Variants in MAP4K4 observed in about 807,000 individuals in gnomAD.
MAP4K4 encodes HPK/GCK-like kinase HGK.
MAP4K4 carries 38 observed loss-of-function variants against 189.6 expected under a neutral mutation model. The observed-to-expected ratio is 0.20, with a 90% CI of 0.15 to 0.26. The LOEUF is 0.26. Ranked by LOEUF, MAP4K4 falls within the 10% of genes least tolerant of loss-of-function variation. MAP4K4 has a pLI of 1.00. For synonymous variants in MAP4K4, 610 were observed against 624.3 expected, an observed-to-expected ratio of 0.98 and a Z score of 0.34; for missense variants, 1,054 against 1,726.9, an observed-to-expected ratio of 0.61 and a Z score of 6.91.
chr2:101,816,882 C>T (rs2095756943), intron 3 of MAP4K4, among the ~76,000 whole-genome samples: 1 of 152,134 alleles, frequency 6.6e-6, no homozygotes, highest in South Asian at 2.1e-4. Context: ...GGCAGTGACC[C>T]TCGAGCAGCA....
chr2:101,701,366 T>G (rs1436272573), intron 2 of MAP4K4, among the ~76,000 whole-genome samples: 1 of 151,092 alleles, frequency 6.6e-6, no homozygotes, highest in Non-Finnish European at 1.5e-5. Context: ...GGGGGAGGGG[T>G]GTGTGTGGCA....
exon 33 of MAP4K4, chr2:101,893,541 T>G (rs552001165): frequency 8.7e-6 from 2 of 228,962 alleles, no homozygotes; most frequent in Admixed American, 5.2e-5. Flanking sequence ...CGTGTACATA[T>G]CAAGAGAAGA....
intron 2 of MAP4K4, among the ~76,000 whole-genome samples, chr2:101,705,505 T>C (rs371129986): frequency 6.6e-5 from 10 of 152,216 alleles, no homozygotes; most frequent in African/African-American, 2.2e-4. Flanking sequence ...CTCTGTGCTT[T>C]AAATTACAGT....
intron 2 of MAP4K4, among the ~76,000 whole-genome samples, chr2:101,721,339 C>T (rs754532434): frequency 1.9e-4 from 28 of 151,320 alleles, no homozygotes; most frequent in Admixed American, 4.6e-4. Flanking sequence ...GGAGATTGCC[C>T]GTTTTGTAAA....
chr2:101,843,886 A>G lies in MAP4K4; in HGVS notation c.1023-215A>G, dbSNP rs534201456. 2.0e-5 allele frequency among the ~76,000 whole-genome samples: 3 copies of G among 152,378 alleles called. No individual in the cohort carries two copies. The East Asian group carries it at 5.8e-4, about 29-fold the overall frequency. Reference sequence around the variant, plus strand: ...ATGTCTTGTCAAGCAAACATCTAGGACAGCATTTTAAGATATTTACTAAAT... The same window carrying G: ...ATGTCTTGTCAAGCAAACATCTAGGGCAGCATTTTAAGATATTTACTAAAT... On this transcript the variant is annotated intron_variant, in intron 11 of 32. Coordinates refer to ENST00000324219, the Ensembl canonical transcript of MAP4K4.
intron 2 of MAP4K4, among the ~76,000 whole-genome samples, chr2:101,719,468 A>C (rs1378510905): frequency 6.6e-6 from 1 of 152,106 alleles, no homozygotes; most frequent in Non-Finnish European, 1.5e-5. Context: ...GATGACAACC[A>C]TTTTGGTGTT....
intron 3 of MAP4K4, among the ~76,000 whole-genome samples, chr2:101,805,819 G>A (rs748138809): frequency 1.3e-5 from 2 of 152,132 alleles, no homozygotes; most frequent in Non-Finnish European, 2.9e-5. Flanking sequence ...GCTGCTACAG[G>A]TCTTCTGCAA....
At chr2:101,840,326 C>G (rs920341888) in intron 10 of MAP4K4, among the ~76,000 whole-genome samples, 3 of 152,186 alleles carry the variant, frequency 2.0e-5, no homozygotes, top group African/African-American at 7.2e-5. Flanking sequence ...TATTGAGCAT[C>G]TGCTGTGAGC....
At chr2:101,854,274 G>A (rs1186679405) in intron 12 of MAP4K4, among the ~76,000 whole-genome samples, 1 of 152,196 alleles carries the variant, frequency 6.6e-6, no homozygotes, top group Non-Finnish European at 1.5e-5. Context: ...CAAAAAGTGA[G>A]ATGAGTAATA....
At chr2:101,868,775 G>C (rs1577087493) in intron 21 of MAP4K4, among the ~76,000 whole-genome samples, 1 of 152,168 alleles carries the variant, frequency 6.6e-6, no homozygotes, top group East Asian at 1.9e-4. Context: ...TGAACAGTCG[G>C]TGAAGTGAGA....
intron 2 of MAP4K4, among the ~76,000 whole-genome samples, chr2:101,784,830 C>A (rs960202013): frequency 6.6e-6 from 1 of 152,126 alleles, no homozygotes; most frequent in African/African-American, 2.4e-5. Flanking sequence ...TGTTCCAGGT[C>A]CACAGCCTGG....
intron 2 of MAP4K4, among the ~76,000 whole-genome samples, chr2:101,781,461 C>G (rs186459798): frequency 6.6e-6 from 1 of 152,190 alleles, no homozygotes; most frequent in African/African-American, 2.4e-5. Flanking sequence ...GCTGAGAAGC[C>G]AAAGGTCGAG....
At chr2:101,836,188 A>G (rs765881776) in intron 9 of MAP4K4, among the ~76,000 whole-genome samples, 9 of 152,234 alleles carry the variant, frequency 5.9e-5, no homozygotes, top group Non-Finnish European at 1.2e-4. Flanking sequence ...AACGGTGACA[A>G]ATGACCACAT....
intron 12 of MAP4K4, among the ~76,000 whole-genome samples, chr2:101,852,763 T>C (rs1321301972): frequency 6.6e-6 from 1 of 152,218 alleles, no homozygotes; most frequent in Non-Finnish European, 1.5e-5. Flanking sequence ...CCCTGTCTTG[T>C]GCAGCTTGTG....
chr2:101,702,012 C>T (rs1558999862), intron 2 of MAP4K4, among the ~76,000 whole-genome samples: 1 of 152,026 alleles, frequency 6.6e-6, no homozygotes, highest in Non-Finnish European at 1.5e-5. Flanking sequence ...ATTACAAGTG[C>T]GTGCCATCAC....
intron 2 of MAP4K4, among the ~76,000 whole-genome samples, chr2:101,766,139 C>T (rs2078529822): frequency 6.6e-6 from 1 of 152,150 alleles, no homozygotes; most frequent in Admixed American, 6.5e-5. Context: ...AAAACTTTAT[C>T]CCTTGCCTGA....
intron 5 of MAP4K4, among the ~76,000 whole-genome samples, chr2:101,828,957 A>G (rs1001920499): frequency 6.6e-6 from 1 of 152,210 alleles, no homozygotes; most frequent in South Asian, 2.1e-4. Context: ...AAGATACTTT[A>G]TTTGAACACA....
At chr2:101,698,594 GA>G (rs1287255800) in intron 2 of MAP4K4, 56 bp downstream of exon 2, 14 of 1,535,450 alleles carry the variant, frequency 9.1e-6, no homozygotes, top group Non-Finnish European at 1.2e-5. Context: ...CTTATTGGGG[GA>G]CGAGGAGAGG....
chr2:101,738,712 A>C (rs954868712), intron 2 of MAP4K4, among the ~76,000 whole-genome samples: 1 of 151,010 alleles, frequency 6.6e-6, no homozygotes, highest in Non-Finnish European at 1.5e-5. Context: ...TCTGATGACC[A>C]CTCTTTTCTT....
Sources: allele counts gnomAD v4.1 joint callset (sites outside exome capture counted in the v4.1 genomes callset), GRCh38; gene constraint gnomAD v4.1.1; transcripts MANE v1.5; gene names NCBI Gene and HGNC (gene_info 2026-07-23, HGNC 2026-07-21).